Variants in NR2C2 observed in about 807,000 individuals in gnomAD.
The protein encoded by NR2C2 is Nuclear hormone receptor TR4.
A neutral mutation model predicts 62.9 loss-of-function variants in NR2C2; 6 were observed. That is an observed-to-expected ratio of 0.10 (90% CI 0.05 to 0.19). The LOEUF is 0.19. Among genes scored for constraint, NR2C2 ranks in the 10% least tolerant of loss-of-function variants. The pLI is 1.00. For synonymous variants in NR2C2, 272 were observed against 273.8 expected, an observed-to-expected ratio of 0.99 and a Z score of 0.07; for missense variants, 479 against 762.7, an observed-to-expected ratio of 0.63 and a Z score of 4.38.
chr3:14,999,231 A>C (rs1191436184), intron 1 of NR2C2, among the ~76,000 whole-genome samples: 3 of 152,138 alleles, frequency 2.0e-5, no homozygotes, highest in African/African-American at 7.2e-5. Context: ...CAGGAGAATC[A>C]CTTGAACCCA....
Position 15,042,986 on chromosome 3 carries a change from A to G in NR2C2, c.1769A>G (p.Gln590Arg). The G allele has an allele frequency of 6.2e-7, 1 of 1,614,104 alleles. No homozygotes were observed. The highest frequency in any genetic ancestry group is 8.5e-7 in the Non-Finnish European group (1 of 1,179,968). The stretch of plus-strand genomic sequence containing the variant: ...ATGGAGACAGCAGAGTATAATGGCC[A>G]GATCACCGGAGCCAGTCTATAGCGC... Reference protein sequence around the residue: ...LKMETAEYNGQITGASL With the variant: ...LKMETAEYNGRITGASL The change falls in exon 14 of 14, where the codon CAG becomes CGG. Residue 590 changes from glutamine to arginine, a missense_variant. Transcript: ENST00000425241.
intron 1 of NR2C2, among the ~76,000 whole-genome samples, chr3:14,983,071 A>T (rs2040418265): frequency 6.6e-6 from 1 of 152,166 alleles, no homozygotes; most frequent in Non-Finnish European, 1.5e-5. Context: ...GGTAAATGGG[A>T]TATCCATTAC....
chr3:14,961,551 T>C (rs2039687990), intron 1 of NR2C2, among the ~76,000 whole-genome samples: 1 of 152,220 alleles, frequency 6.6e-6, no homozygotes, highest in African/African-American at 2.4e-5. Context: ...GTCTAGATTA[T>C]ACTGAATTCT....
chr3:14,978,723 T>C (rs1233804917), intron 1 of NR2C2, among the ~76,000 whole-genome samples: 1 of 152,168 alleles, frequency 6.6e-6, no homozygotes, highest in Non-Finnish European at 1.5e-5. Context: ...ACCGATACTT[T>C]CACTTGGTTT....
At chr3:15,040,463 C>T (rs62240394) in intron 13 of NR2C2, among the ~76,000 whole-genome samples, 10,917 of 152,322 alleles carry the variant, frequency 0.072, 429 homozygotes, top group Middle Eastern at 0.099. Context: ...TCTGCACAGA[C>T]CTCAGTCTCC....
chr3:14,979,620 C>T (rs544155494), intron 1 of NR2C2, among the ~76,000 whole-genome samples: 4 of 152,068 alleles, frequency 2.6e-5, no homozygotes, highest in African/African-American at 7.2e-5. Flanking sequence ...GAATTATTTG[C>T]GTGAGTGTCT....
intron 9 of NR2C2, among the ~76,000 whole-genome samples, chr3:15,031,421 G>A (rs1283079689): frequency 6.6e-6 from 1 of 150,902 alleles, no homozygotes; most frequent in Admixed American, 6.6e-5. Context: ...TGATGTGATT[G>A]TGGCTCACTG....
rs139146701 is a variant in NR2C2 at position 15,023,331 on chromosome 3, G to A, written c.688G>A (p.Asp230Asn). 3 of 1,614,000 alleles carry A rather than the reference G, an allele frequency of 1.9e-6. No homozygotes were observed. In the African/African-American group the frequency reaches 4.0e-5, roughly 22 times the overall value. ...GATAGCTACTCCCACGTTTGTGGCA[G>A]ACAAAGATGGAGCAAGGTCAGTCCC... ...PLIATPTFVA[D>N]KDGARQTGLL... The change falls in exon 6 of 14, where the codon GAC becomes AAC. Residue 230 changes from aspartate to asparagine, a missense_variant. Asp to Asn is a conservative substitution (Grantham distance 23). This residue lies in a region of NR2C2 where 151 missense variants were observed against 176.1 expected (regional missense o/e 0.86). Transcript: ENST00000425241.
chr3:15,023,087 GA>G, intron 5 of NR2C2, 112 bp from the exon 6 acceptor site: 1 of 1,175,026 alleles, frequency 8.5e-7, no homozygotes, highest in South Asian at 1.5e-5. Flanking sequence ...TGAGCTAGAT[GA>G]ACCTAGCACC....
chr3:15,037,212 TGTGTGTGTGTGTG>T (rs2042129759), intron 11 of NR2C2, among the ~76,000 whole-genome samples: 2 of 139,226 alleles, frequency 1.4e-5, no homozygotes, highest in Admixed American at 7.2e-5. Context: ...TTTTTGTTTG[TGTGTGTGTGTGTG>T]TGTGTGTGTG....
intron 4 of NR2C2, among the ~76,000 whole-genome samples, chr3:15,017,206 C>A (rs528886872): frequency 1.5e-4 from 23 of 152,282 alleles, no homozygotes; most frequent in African/African-American, 5.5e-4. Flanking sequence ...GCTCCAGTTT[C>A]CCTTCCATGC....
In NR2C2 at chr3:15,043,073, G is replaced by A. The variant is rs1429600608; in HGVS notation, c.*65G>A. ...CAGGACCGTTCACATACAAAGAAAA[G>A]TAGTGGTATTTTGGTATGTGCAAAT... is the stretch of plus-strand genomic sequence containing the variant. On this transcript the variant is annotated 3_prime_UTR_variant, in exon 14 of 14. Transcript: ENST00000425241. The A allele has an allele frequency of 2.0e-6, 3 of 1,474,520 alleles. No homozygotes were observed. Among genetic ancestry groups the A allele is most frequent in the Non-Finnish European group, 2.7e-6 (3 of 1,094,678 alleles). 91.3% of individuals were successfully genotyped at this position (1,474,520 alleles called of 1,614,324 possible).
chr3:14,981,165 A>G (rs546967955), intron 1 of NR2C2, among the ~76,000 whole-genome samples: 8 of 152,280 alleles, frequency 5.3e-5, no homozygotes, highest in African/African-American at 1.9e-4. Context: ...ATATCATCCT[A>G]TTTAGTCTTA....
chr3:15,022,469 G>A (rs1032426575), intron 5 of NR2C2, among the ~76,000 whole-genome samples: 4 of 139,236 alleles, frequency 2.9e-5, no homozygotes, highest in African/African-American at 5.3e-5. Flanking sequence ...GTGGTGCCGC[G>A]TCTTGGCTCA....
At chr3:14,963,538 G>A (rs2039748951) in intron 1 of NR2C2, among the ~76,000 whole-genome samples, 1 of 151,874 alleles carries the variant, frequency 6.6e-6, no homozygotes, top group Non-Finnish European at 1.5e-5. Context: ...GCGCGATCTC[G>A]GCCCACTGCA....
At chr3:14,951,164 G>A (rs996511221) in intron 1 of NR2C2, among the ~76,000 whole-genome samples, 2 of 152,192 alleles carry the variant, frequency 1.3e-5, no homozygotes, top group Non-Finnish European at 2.9e-5. Flanking sequence ...CAAATATTCT[G>A]ATTTTTGTCT....
intron 1 of NR2C2, among the ~76,000 whole-genome samples, chr3:14,957,738 A>G (rs768107523): frequency 3.3e-5 from 5 of 152,062 alleles, no homozygotes; most frequent in Admixed American, 2.6e-4. Flanking sequence ...TACTATTGCT[A>G]CCACTTCCTA....
At chr3:14,999,630 T>C (rs2040931830) in intron 1 of NR2C2, among the ~76,000 whole-genome samples, 1 of 152,218 alleles carries the variant, frequency 6.6e-6, no homozygotes, top group Non-Finnish European at 1.5e-5. Flanking sequence ...GAGAGTTTTA[T>C]AGTTTTAACT....
intron 9 of NR2C2, among the ~76,000 whole-genome samples, chr3:15,031,869 C>T (rs569933819): frequency 3.3e-5 from 5 of 152,188 alleles, no homozygotes; most frequent in South Asian, 4.1e-4. Context: ...GCTGGAACTA[C>T]AGGTGCATGC....
Sources: allele counts gnomAD v4.1 joint callset (sites outside exome capture counted in the v4.1 genomes callset), GRCh38; gene constraint gnomAD v4.1.1; regional missense constraint gnomAD v4.1.1; transcripts MANE v1.5; gene names NCBI Gene and HGNC (gene_info 2026-07-23, HGNC 2026-07-21).